Variants in PSPH observed in about 807,000 individuals in gnomAD.
PSPH encodes the protein L-3-phosphoserine phosphatase.
PSPH carries 16 observed loss-of-function variants against 23.4 expected under a neutral mutation model. The ratio of observed to expected loss-of-function variants is 0.68; its 90% CI spans 0.46 to 1.04. PSPH has a LOEUF of 1.04. Ranked by LOEUF, PSPH falls within the 50% of genes least tolerant of loss-of-function variation. The pLI is 0.00. For missense variants in PSPH, 223 were observed against 273.7 expected (o/e 0.81, Z 1.31); for synonymous variants, 68 against 99.7 (o/e 0.68, Z 1.89).
rs1234224629 is a variant in PSPH, at chr7:56,034,658, G to A, written c.-291-552C>T. Among the ~76,000 whole-genome samples the A allele has an allele frequency of 5.9e-5, 9 of 152,064 alleles. No individual in the cohort carries two copies. The South Asian group carries it at 1.7e-3, about 28-fold the overall frequency. On this transcript the variant is annotated intron_variant, in intron 1 of 7. Coordinates refer to ENST00000275605, the MANE Select transcript of PSPH (RefSeq NM_004577.4). ...AGCCACCCAAGTAGCCGGGACTACG[G>A]GCGCCCGCCACCACGCCCGGCTAAT...
intron 1 of PSPH, among the ~76,000 whole-genome samples, chr7:56,046,048 T>G (rs1010106736): frequency 2.6e-5 from 4 of 152,132 alleles, no homozygotes; most frequent in African/African-American, 9.7e-5. Flanking sequence ...GATGGATGCC[T>G]CAAAGATGGT....
rs114299140 is a variant in PSPH at position 56,034,621 on chromosome 7, T to C, written c.-291-515A>G. ...AGCTCCGCCTCCTGGATTCACGGTA[T>C]TCTCCTGCCTCAGCCACCCAAGTAG... On this transcript the variant is annotated intron_variant, in intron 1 of 7. Transcript: ENST00000275605. 7.2e-3 allele frequency among the ~76,000 whole-genome samples: 1,095 copies of C among 152,208 alleles called. 11 individuals carry two copies. Among genetic ancestry groups the C allele is most frequent in the African/African-American group, 0.024 (997 of 41,548 alleles).
At chr7:56,046,480 G>A (rs565769268) in intron 1 of PSPH, among the ~76,000 whole-genome samples, 173 of 152,040 alleles carry the variant, frequency 1.1e-3, no homozygotes, top group Admixed American at 2.4e-3. Context: ...ATCCTCCCAC[G>A]TTGGCCTTCC....
chr7:56,030,640 T>G (rs1790850098), intron 3 of PSPH, among the ~76,000 whole-genome samples: 1 of 152,236 alleles, frequency 6.6e-6, no homozygotes, highest in African/African-American at 2.4e-5. Flanking sequence ...GGCTCACAGC[T>G]GTAATCCCAG....
At position 56,017,605 on chromosome 7, in the gene PSPH, A is replaced by C. The variant is rs532826476; in HGVS notation, c.276-226T>G. 1.7e-4 allele frequency among the ~76,000 whole-genome samples: 26 copies of C among 151,436 alleles called. 2 individuals carry two copies. The South Asian group carries it at 5.0e-3, about 29-fold the overall frequency. Reference sequence around the variant, plus strand: ...CGCTCTGTCGCCCAGGCTGGAGTGCAGTGGTGCGATCTCGGCTCACTGCAA... The same window carrying C: ...CGCTCTGTCGCCCAGGCTGGAGTGCCGTGGTGCGATCTCGGCTCACTGCAA... On this transcript the variant is annotated intron_variant, in intron 5 of 7. Transcript: ENST00000275605.
chr7:56,018,483 A>C (rs1788887987), intron 5 of PSPH, among the ~76,000 whole-genome samples: 1 of 152,168 alleles, frequency 6.6e-6, no homozygotes, highest in Non-Finnish European at 1.5e-5. Flanking sequence ...TCCCTGGAGA[A>C]AGAGGAAAGG....
chr7:56,044,706 G>A (rs929246689), intron 1 of PSPH, among the ~76,000 whole-genome samples: 2 of 151,848 alleles, frequency 1.3e-5, no homozygotes, highest in African/African-American at 2.4e-5. Context: ...AGGCTGAGGT[G>A]GGAGGATCAC....
At chr7:56,037,988 C>T (rs1252032834) in intron 1 of PSPH, among the ~76,000 whole-genome samples, 3 of 151,550 alleles carry the variant, frequency 2.0e-5, no homozygotes, top group East Asian at 4.0e-4. Context: ...GCTGGGATTA[C>T]AAGAGTGAGC....
chr7:56,035,352 AATT>A (rs898484089), intron 1 of PSPH, among the ~76,000 whole-genome samples: 1 of 152,086 alleles, frequency 6.6e-6, no homozygotes, highest in African/African-American at 2.4e-5. Context: ...TTAAAAAAAA[AATT>A]ATTCCATGTG....
intron 1 of PSPH, among the ~76,000 whole-genome samples, chr7:56,048,989 G>A (rs749742521): frequency 1.3e-5 from 2 of 150,740 alleles, no homozygotes; most frequent in African/African-American, 2.4e-5. Context: ...GCTCCATCTC[G>A]GCTCACTGCA....
chr7:56,046,726 G>C (rs573243722), intron 1 of PSPH, among the ~76,000 whole-genome samples: 1 of 150,472 alleles, frequency 6.6e-6, no homozygotes, highest in East Asian at 2.0e-4. Flanking sequence ...GGAGGTTGCA[G>C]TGAGCCGGTA....
At chr7:56,041,885 TG>T (rs1168695776) in intron 1 of PSPH, among the ~76,000 whole-genome samples, 1 of 151,394 alleles carries the variant, frequency 6.6e-6, no homozygotes, top group Non-Finnish European at 1.5e-5. Flanking sequence ...ATTGTGCCAC[TG>T]GCACTCTAGC....
At chr7:56,047,316 G>A (rs1793377232) in intron 1 of PSPH, among the ~76,000 whole-genome samples, 1 of 151,868 alleles carries the variant, frequency 6.6e-6, no homozygotes, top group African/African-American at 2.4e-5. Context: ...GAGCCCAGGA[G>A]GTTCAGGCTG....
At chr7:56,043,453 G>A (rs1792807788) in intron 1 of PSPH, among the ~76,000 whole-genome samples, 2 of 151,910 alleles carry the variant, frequency 1.3e-5, no homozygotes, top group South Asian at 4.2e-4. Flanking sequence ...AGGAGTTCAA[G>A]GCTAGCCTCA....
chr7:56,036,772 A>AATAT (rs537799191), intron 1 of PSPH, among the ~76,000 whole-genome samples: 1 of 151,702 alleles, frequency 6.6e-6, no homozygotes, highest in East Asian at 1.9e-4. Context: ...ATCACATTAA[A>AATAT]ATATATATAT....
intron 5 of PSPH, among the ~76,000 whole-genome samples, chr7:56,019,301 T>G (rs1406663765): frequency 1.3e-5 from 2 of 151,864 alleles, no homozygotes; most frequent in Non-Finnish European, 2.9e-5. Context: ...TACCTAGGTG[T>G]GCTGGTGGGC....
chr7:56,027,017 C>A (rs1384755420), intron 3 of PSPH, among the ~76,000 whole-genome samples: 1 of 151,722 alleles, frequency 6.6e-6, no homozygotes, highest in East Asian at 2.0e-4. Flanking sequence ...ACCAGCCTGA[C>A]CAACATGGTG....
At chr7:56,047,194 G>C (rs1216068079) in intron 1 of PSPH, among the ~76,000 whole-genome samples, 5 of 150,010 alleles carry the variant, frequency 3.3e-5, no homozygotes, top group Non-Finnish European at 5.9e-5. Context: ...AACTCACCCA[G>C]ACAACATAGC....
rs1283008267 is a variant in PSPH, at chr7:56,011,704, A to G, written c.*58T>C. 1.5e-6 allele frequency: 2 copies of G among 1,374,268 alleles called. No individual in the cohort carries two copies. Among genetic ancestry groups the G allele is most frequent in the Non-Finnish European group, 2.1e-6 (2 of 962,288 alleles). The allele number at this position is 1,374,268 out of a possible 1,614,324, so 85.1% of individuals were successfully genotyped here. ...AGGCAACTGTAAGCAAACAGTATCAATCTGTATAACTTGTAAAAATTCATC... is the reference window on the plus strand; with the variant it reads ...AGGCAACTGTAAGCAAACAGTATCAGTCTGTATAACTTGTAAAAATTCATC... On this transcript the variant is annotated 3_prime_UTR_variant, in exon 8 of 8. Transcript: ENST00000275605.
Sources: gnomAD v4.1 joint callset for allele counts (sites outside exome capture counted in the v4.1 genomes callset) on GRCh38, gnomAD v4.1.1 for gene constraint, MANE v1.5 for transcripts, NCBI Gene and HGNC (gene_info 2026-07-23, HGNC 2026-07-21) for gene names.